Variants in AJAP1 observed in about 807,000 individuals in gnomAD.
AJAP1 encodes the protein adherens junction-associated protein 1.
Under a neutral mutation model 35.0 loss-of-function variants are expected in AJAP1, and 5 were observed. The observed-to-expected ratio is 0.14, with a 90% CI of 0.07 to 0.30. The LOEUF (loss-of-function observed/expected upper bound fraction) is 0.30, where lower values mean the gene tolerates loss of function less well. Among genes scored for constraint, AJAP1 ranks in the 10% least tolerant of loss-of-function variants. The pLI, the probability that AJAP1 is intolerant of heterozygous loss-of-function variation, is 1.00. For synonymous variants in AJAP1, 284 were observed against 249.3 expected (o/e 1.14, Z -1.31); for missense variants, 586 against 571.0 (o/e 1.03, Z -0.27).
At chr1:4,717,596 G>T (rs908218568) in intron 2 of AJAP1, among the ~76,000 whole-genome samples, 64 of 152,320 alleles carry the variant, frequency 4.2e-4, no homozygotes, top group African/African-American at 1.4e-3. Context: ...TTCCAAGTTT[G>T]CTTTGTCCTT....
intron 2 of AJAP1, among the ~76,000 whole-genome samples, chr1:4,744,527 A>G (rs2100322017): frequency 6.6e-6 from 1 of 152,310 alleles, no homozygotes; most frequent in Non-Finnish European, 1.5e-5. Context: ...TCACGTGCAC[A>G]CACAGGGATG....
intron 1 of AJAP1, among the ~76,000 whole-genome samples, chr1:4,695,050 G>A (rs564376253): frequency 1.8e-4 from 28 of 152,254 alleles, no homozygotes; most frequent in African/African-American, 3.9e-4. Context: ...TACTTTGGCC[G>A]CCAGGGGACC....
Position 4,783,471 on chromosome 1 carries a change from GTATATATATATATATATATA to G in AJAP1, c.*1006_*1025del, listed in dbSNP as rs70957905. 1.7e-4 allele frequency: 10 copies of G among 57,800 alleles called. No homozygotes were observed. Among genetic ancestry groups the G allele is most frequent in the African/African-American group, 6.7e-4 (9 of 13,376 alleles). 3.6% of individuals were successfully genotyped at this position (57,800 alleles called of 1,614,324 possible). A position where few individuals can be genotyped will look rare whatever the true frequency, so the allele number is the denominator to read the frequency against. ...ATGCCAAGGTTTTATATATGTGTGT[GTATATATATATATATATATA>G]TATATATATATATATATATGTTTGT... is the stretch of plus-strand genomic sequence containing the variant. On this transcript the variant is annotated 3_prime_UTR_variant, in exon 6 of 6. Transcript: ENST00000378191.
Position 4,712,193 on chromosome 1 carries a change from C to G in AJAP1, c.323C>G (p.Ala108Gly). The G allele has an allele frequency of 6.4e-7, 1 of 1,562,402 alleles. No individual in the cohort carries two copies. The highest frequency in any genetic ancestry group is 8.6e-7 in the Non-Finnish European group (1 of 1,161,680). The change falls in exon 2 of 6, where the codon GCG (alanine) becomes GGG (glycine). Residue 108 changes from alanine to glycine, a missense_variant. Coordinates refer to ENST00000378191, the MANE Select transcript of AJAP1 (RefSeq NM_018836.4). ...ARRAHRPRDQ[A>G]AALVPKAGLA... The stretch of plus-strand genomic sequence containing the variant: ...CGGGCCCACAGGCCCCGGGACCAGG[C>G]GGCCGCCCTCGTGCCCAAGGCAGGA...
At chr1:4,672,150 C>G (rs1429151002) in intron 1 of AJAP1, among the ~76,000 whole-genome samples, 1 of 152,178 alleles carries the variant, frequency 6.6e-6, no homozygotes, top group Non-Finnish European at 1.5e-5. Context: ...GTGAATTGCT[C>G]AAGAATGGAC....
chr1:4,763,474 C>T (rs1641616690), intron 2 of AJAP1, among the ~76,000 whole-genome samples: 1 of 152,180 alleles, frequency 6.6e-6, no homozygotes, highest in South Asian at 2.1e-4. Flanking sequence ...GGCCATCACC[C>T]ACTGTGATGG....
At chr1:4,770,618 G>A (rs139940171) in intron 3 of AJAP1, among the ~76,000 whole-genome samples, 3 of 152,230 alleles carry the variant, frequency 2.0e-5, no homozygotes, top group East Asian at 1.9e-4. Context: ...GTCTCCTTTC[G>A]GCATCCAGGC....
intron 4 of AJAP1, among the ~76,000 whole-genome samples, chr1:4,773,768 G>A (rs559869778): frequency 3.7e-4 from 56 of 152,246 alleles, no homozygotes; most frequent in Admixed American, 1.0e-3. Context: ...TGCTTGGGCC[G>A]TGTGGGTAGA....
intron 1 of AJAP1, among the ~76,000 whole-genome samples, chr1:4,698,060 A>G (rs535855749): frequency 2.0e-3 from 307 of 152,244 alleles, no homozygotes; most frequent in Admixed American, 4.6e-3. Flanking sequence ...GCTTCTTTTC[A>G]TTTCCTCTCC....
intron 5 of AJAP1, among the ~76,000 whole-genome samples, chr1:4,780,259 C>T (rs114825202): frequency 6.6e-6 from 1 of 151,964 alleles, no homozygotes; most frequent in Non-Finnish European, 1.5e-5. Context: ...CCTTCCGTCA[C>T]CCCGTATTAA....
chr1:4,714,537 C>G (rs948489577), intron 2 of AJAP1, among the ~76,000 whole-genome samples: 1 of 152,128 alleles, frequency 6.6e-6, no homozygotes, highest in Admixed American at 6.5e-5. Flanking sequence ...GTTAAACACC[C>G]GGGACAGCGT....
chr1:4,783,452 A>T lies in AJAP1; in HGVS notation c.*967A>T, dbSNP rs1642103687. ...TCTTGGGCCAGAACTAAGAATGCCA[A>T]GGTTTTATATATGTGTGTGTATATA... On this transcript the variant is annotated 3_prime_UTR_variant, in exon 6 of 6. Transcript: ENST00000378191. 7.6e-6 allele frequency: 1 copy of T among 132,432 alleles called. No individual in the cohort carries two copies. Among genetic ancestry groups the T allele is most frequent in the Non-Finnish European group, 1.6e-5 (1 of 63,282 alleles). 8.2% of individuals were successfully genotyped at this position (132,432 alleles called of 1,614,324 possible). A position where few individuals can be genotyped will look rare whatever the true frequency, so the allele number is the denominator to read the frequency against.
chr1:4,753,123 C>G (rs1484308123), intron 2 of AJAP1, among the ~76,000 whole-genome samples: 4 of 152,228 alleles, frequency 2.6e-5, no homozygotes, highest in African/African-American at 9.6e-5. Context: ...TGGAAGGGCC[C>G]TGTGCACTAA....
At chr1:4,775,771 T>C (rs1641928352) in intron 5 of AJAP1, among the ~76,000 whole-genome samples, 1 of 152,204 alleles carries the variant, frequency 6.6e-6, no homozygotes, top group Admixed American at 6.5e-5. Flanking sequence ...GCAAGGGCCT[T>C]TGCTGCAGCA....
At chr1:4,733,422 CCATTCATT>C (rs3835539) in intron 2 of AJAP1, among the ~76,000 whole-genome samples, 8 of 145,160 alleles carry the variant, frequency 5.5e-5, no homozygotes, top group South Asian at 4.7e-4. Flanking sequence ...ACCTGTTCAA[CCATTCATT>C]CATTCATTCA....
chr1:4,775,330 G>A (rs1247772280), intron 5 of AJAP1, among the ~76,000 whole-genome samples: 3 of 152,134 alleles, frequency 2.0e-5, no homozygotes, highest in Non-Finnish European at 4.4e-5. Context: ...TGAGGTTTTC[G>A]TGTTGTTTTC....
intron 2 of AJAP1, among the ~76,000 whole-genome samples, chr1:4,768,206 G>T (rs7552069): frequency 1.3e-5 from 2 of 152,076 alleles, no homozygotes; most frequent in Non-Finnish European, 2.9e-5. Context: ...GCCTGTGGGT[G>T]AGCAGTACTA....
At chr1:4,682,522 C>T (rs184267883) in intron 1 of AJAP1, among the ~76,000 whole-genome samples, 269 of 152,262 alleles carry the variant, frequency 1.8e-3, no homozygotes, top group South Asian at 4.4e-3. Flanking sequence ...CTCTGTGGCT[C>T]CTGCATGGAG....
intron 1 of AJAP1, among the ~76,000 whole-genome samples, chr1:4,706,453 T>C (rs1640102269): frequency 6.6e-6 from 1 of 152,078 alleles, no homozygotes; most frequent in African/African-American, 2.4e-5. Context: ...GCAGCATCCT[T>C]CTCCTGGGCC....
Sources: gnomAD v4.1 joint callset for allele counts (sites outside exome capture counted in the v4.1 genomes callset) on GRCh38, gnomAD v4.1.1 for gene constraint, MANE v1.5 for transcripts, NCBI Gene and HGNC (gene_info 2026-07-23, HGNC 2026-07-21) for gene names.